Variants in EXT2 observed in about 807,000 individuals in gnomAD.
EXT2 encodes exostosin glycosyltransferase 2, also known as exostosin-2.
EXT2 carries 53 observed loss-of-function variants against 81.6 expected under a neutral mutation model. The ratio of observed to expected loss-of-function variants is 0.65; its 90% CI spans 0.52 to 0.82. EXT2 has a LOEUF of 0.82. Among genes scored for constraint, EXT2 ranks in the 40% least tolerant of loss-of-function variants. The pLI is 0.00. For missense variants in EXT2, 774 were observed against 910.2 expected, an observed-to-expected ratio of 0.85 and a Z score of 1.93; for synonymous variants, 320 against 340.0, an observed-to-expected ratio of 0.94 and a Z score of 0.65.
At chr11:44,234,355 C>A in intron 12 of EXT2, 112 bp downstream of exon 12, 4 of 1,123,494 alleles carry the variant, frequency 3.6e-6, no homozygotes, top group Non-Finnish European at 5.3e-6. Flanking sequence ...AAACTTTAAG[C>A]TCTATTTTAG....
Position 44,126,912 on chromosome 11 carries a change from G to C in EXT2, c.1036G>C (p.Asp346His), listed in dbSNP as rs779110600. The change falls in exon 6 of 14, where the codon GAC (aspartate) becomes CAC (histidine). Residue 346 changes from aspartate to histidine, a missense_variant. Around this residue, in one of 2 missense-constraint regions of EXT2, gnomAD observed 626 missense variants for 670.5 expected, o/e 0.93. Coordinates refer to ENST00000533608, the MANE Select transcript of EXT2 (RefSeq NM_207122.2). Reference sequence around the variant, plus strand: ...TGGCTGTGTCCCGGTTGTCATTGCAGACTCCTATATTTTGCCTTTCTCTGA... The same window carrying C: ...TGGCTGTGTCCCGGTTGTCATTGCACACTCCTATATTTTGCCTTTCTCTGA... ...QAGCVPVVIADSYILPFSEVL... is the reference protein window; with the variant it reads ...QAGCVPVVIAHSYILPFSEVL... The C allele has an allele frequency of 1.2e-6, 2 of 1,614,198 alleles. No individual in the cohort carries two copies. Among genetic ancestry groups the C allele is most frequent in the South Asian group, 2.2e-5 (2 of 91,082 alleles).
chr11:44,230,609 G>T (rs1955887376), intron 10 of EXT2, among the ~76,000 whole-genome samples: 1 of 152,192 alleles, frequency 6.6e-6, no homozygotes, highest in Non-Finnish European at 1.5e-5. Flanking sequence ...AGATGGCCTT[G>T]TGAAGATGGA....
At chr11:44,141,713 T>C (rs911387275) in intron 7 of EXT2, among the ~76,000 whole-genome samples, 1 of 152,246 alleles carries the variant, frequency 6.6e-6, no homozygotes, top group African/African-American at 2.4e-5. Flanking sequence ...TCTCTAAAGT[T>C]AACCATCGGT....
chr11:44,144,393 G>T, intron 7 of EXT2: 3 of 1,444,356 alleles, frequency 2.1e-6, no homozygotes, highest in Non-Finnish European at 2.9e-6. Context: ...TAGTCTCTTT[G>T]CTGAGAAGGC....
chr11:44,204,723 C>A (rs923614063), intron 9 of EXT2, among the ~76,000 whole-genome samples: 4 of 152,152 alleles, frequency 2.6e-5, no homozygotes, highest in African/African-American at 7.2e-5. Context: ...AGGTTGCACG[C>A]CCCTTACGAG....
rs1956102826 is a variant in EXT2 at position 44,247,298 on chromosome 11, GTGC to G, written c.*3012_*3014del. Among the ~76,000 whole-genome samples, 1 of 26,774 alleles carries G rather than the reference GTGC, an allele frequency of 3.7e-5. No individual in the cohort carries two copies. The highest frequency in any genetic ancestry group is 8.2e-5 in the Non-Finnish European group (1 of 12,238). The allele number at this position is 26,774 out of a possible 152,430, so 17.6% of individuals were successfully genotyped here. ...TCTTGCTCTTGTCACCCAGGCTGGAGTGCAACAATAGCATGGTCTCGGCTCACT... is the reference window on the plus strand; with the variant it reads ...TCTTGCTCTTGTCACCCAGGCTGGAGAACAATAGCATGGTCTCGGCTCACT... On this transcript the variant is annotated 3_prime_UTR_variant, in exon 14 of 14. Transcript: ENST00000533608.
At chr11:44,178,422 G>A (rs1955188536) in intron 8 of EXT2, among the ~76,000 whole-genome samples, 1 of 152,094 alleles carries the variant, frequency 6.6e-6, no homozygotes, top group Admixed American at 6.5e-5. Context: ...ACCCTGCGGG[G>A]CTTGGATTAG....
At chr11:44,103,575 C>G (rs1954015413) in intron 1 of EXT2, 1 of 395,120 alleles carries the variant, frequency 2.5e-6, no homozygotes, top group Non-Finnish European at 4.9e-6. Context: ...TTTCTGAACT[C>G]TGGAATAATT....
intron 4 of EXT2, among the ~76,000 whole-genome samples, chr11:44,120,629 T>G (rs1954302589): frequency 1.3e-5 from 2 of 152,254 alleles, no homozygotes; most frequent in South Asian, 4.1e-4. Context: ...TGTTGATCCT[T>G]GTGAGAGTTG....
chr11:44,158,055 C>T (rs1464537681), intron 7 of EXT2, among the ~76,000 whole-genome samples: 3 of 152,236 alleles, frequency 2.0e-5, no homozygotes, highest in Non-Finnish European at 4.4e-5. Context: ...CTGCCCTATT[C>T]TGCTGTGGTT....
intron 10 of EXT2, among the ~76,000 whole-genome samples, chr11:44,217,805 A>G (rs1441627193): frequency 6.6e-6 from 1 of 152,180 alleles, no homozygotes; most frequent in Non-Finnish European, 1.5e-5. Context: ...GTGGCAGAAA[A>G]TGAGCCATGG....
At chr11:44,118,715 C>T (rs369686381) in intron 4 of EXT2, among the ~76,000 whole-genome samples, 1 of 152,014 alleles carries the variant, frequency 6.6e-6, no homozygotes. Flanking sequence ...TGCCCTATTT[C>T]GAGGTTAGAT....
intron 12 of EXT2, among the ~76,000 whole-genome samples, chr11:44,235,959 C>T (rs901818869): frequency 1.3e-5 from 2 of 152,164 alleles, no homozygotes; most frequent in Non-Finnish European, 2.9e-5. Context: ...ATTTCATCGC[C>T]CTTATGGCTA....
At chr11:44,222,173 G>T (rs1326904694) in intron 10 of EXT2, among the ~76,000 whole-genome samples, 1 of 152,174 alleles carries the variant, frequency 6.6e-6, no homozygotes, top group Non-Finnish European at 1.5e-5. Context: ...TTCCCAACCA[G>T]CATTTAGGCT....
intron 10 of EXT2, among the ~76,000 whole-genome samples, chr11:44,225,412 G>C (rs1170685493): frequency 6.6e-6 from 1 of 152,146 alleles, no homozygotes. Flanking sequence ...TTGCTAGATG[G>C]AAACCACATT....
chr11:44,104,019 G>A (rs957959105), intron 1 of EXT2, among the ~76,000 whole-genome samples: 3 of 151,916 alleles, frequency 2.0e-5, no homozygotes, highest in Admixed American at 2.0e-4. Flanking sequence ...ATTTTCTTCT[G>A]TTATCTTTGG....
rs148606711 is a variant in EXT2, at chr11:44,239,820, A to T, written c.2018+3445A>T. 5.0e-3 allele frequency among the ~76,000 whole-genome samples: 743 copies of T among 149,988 alleles called. 7 individuals are homozygous for T. The highest frequency in any genetic ancestry group is 0.043 in the East Asian group (222 of 5,112). Reference sequence around the variant, plus strand: ...GAACTAGAATTTCAGAAAGAACTTTAAAAAAAAATGTTGAGCCCAGTCATC... The same window carrying T: ...GAACTAGAATTTCAGAAAGAACTTTTAAAAAAAATGTTGAGCCCAGTCATC... On this transcript the variant is annotated intron_variant, in intron 13 of 13. Coordinates refer to ENST00000533608, the MANE Select transcript of EXT2 (RefSeq NM_207122.2).
At chr11:44,214,018 TATAC>T (rs1358258190) in intron 10 of EXT2, among the ~76,000 whole-genome samples, 1 of 152,180 alleles carries the variant, frequency 6.6e-6, no homozygotes, top group Non-Finnish European at 1.5e-5. Flanking sequence ...TCCAAATATA[TATAC>T]ATAAGGAAAG....
At chr11:44,096,693 CT>C (rs752782263) in intron 1 of EXT2, among the ~76,000 whole-genome samples, 1 of 152,150 alleles carries the variant, frequency 6.6e-6, no homozygotes, top group Non-Finnish European at 1.5e-5. Context: ...GTGTTTGGGG[CT>C]TTGTTACATT....
Sources: gnomAD v4.1 joint callset for allele counts (sites outside exome capture counted in the v4.1 genomes callset) on GRCh38, gnomAD v4.1.1 for gene constraint, gnomAD v4.1.1 regional missense constraint, MANE v1.5 for transcripts, NCBI Gene and HGNC (gene_info 2026-07-23, HGNC 2026-07-21) for gene names.